The following TENM4 variants were observed in gnomAD, a reference collection of about 807,000 sequenced individuals.
The protein encoded by TENM4 is teneurin transmembrane protein 4.
A neutral mutation model predicts 243.3 loss-of-function variants in TENM4; 82 were observed. That is an observed-to-expected ratio of 0.34 (90% CI 0.28 to 0.40). The LOEUF is 0.40. Ranked by LOEUF, TENM4 falls within the 10% of genes least tolerant of loss-of-function variation. The pLI is 1.00. For synonymous variants in TENM4, 1,412 were observed against 1,456.3 expected (o/e 0.97, Z 0.69); for missense variants, 3,138 against 3,673.3 (o/e 0.85, Z 3.77).
chr11:78,719,014 TATG>T (rs1265776636), intron 25 of TENM4, among the ~76,000 whole-genome samples: 1 of 152,198 alleles, frequency 6.6e-6, no homozygotes, highest in Non-Finnish European at 1.5e-5. Context: ...TAATAATTGT[TATG>T]ATAATAAATT....
At chr11:78,754,537 CAATAATGGGCCCCGTA>C (rs534840932) in intron 19 of TENM4, among the ~76,000 whole-genome samples, 146 of 152,194 alleles carry the variant, frequency 9.6e-4, no homozygotes, top group Admixed American at 1.6e-3. Flanking sequence ...TAATTGGATC[CAATAATGGGCCCCGTA>C]AAGAATGACT....
intron 14 of TENM4, among the ~76,000 whole-genome samples, chr11:78,809,003 G>C (rs141746463): frequency 0.014 from 2,182 of 152,228 alleles, 28 homozygotes; most frequent in Admixed American, 0.031. Flanking sequence ...TTCCTTTTCT[G>C]TAAGTGCCTG....
chr11:78,784,542 A>G (rs1856897308), intron 16 of TENM4, among the ~76,000 whole-genome samples: 1 of 152,178 alleles, frequency 6.6e-6, no homozygotes, highest in African/African-American at 2.4e-5. Flanking sequence ...TATTAATAGA[A>G]TTCCCAGCCA....
intron 6 of TENM4, among the ~76,000 whole-genome samples, chr11:79,001,731 C>T (rs1858334513): frequency 6.6e-6 from 1 of 152,120 alleles, no homozygotes; most frequent in Non-Finnish European, 1.5e-5. Flanking sequence ...AACTAATTGC[C>T]CCCCTGTATG....
intron 1 of TENM4, among the ~76,000 whole-genome samples, chr11:79,366,912 T>C (rs1407572003): frequency 6.6e-6 from 1 of 152,218 alleles, no homozygotes; most frequent in Admixed American, 6.5e-5. Context: ...AGGCTATATA[T>C]CAGTGAAAGC....
intron 3 of TENM4, among the ~76,000 whole-genome samples, chr11:79,192,831 A>AAT (rs1227314389): frequency 6.6e-5 from 10 of 152,242 alleles, no homozygotes; most frequent in Non-Finnish European, 1.5e-4. Flanking sequence ...AGTTTTCAAG[A>AAT]ATAACCTAGA....
At chr11:78,747,847 G>A (rs118143003) in intron 19 of TENM4, among the ~76,000 whole-genome samples, 1,650 of 152,284 alleles carry the variant, frequency 0.011, 18 homozygotes, top group South Asian at 0.05. Flanking sequence ...TAAAAATGCA[G>A]AAAGTCTTTG....
At chr11:79,070,045 G>A in intron 4 of TENM4, 36 bp from the exon 5 acceptor site, 1 of 1,469,524 alleles carries the variant, frequency 6.8e-7, no homozygotes, top group Non-Finnish European at 9.0e-7. Flanking sequence ...GGCGTGAGAG[G>A]CAGAGAACAT....
intron 6 of TENM4, among the ~76,000 whole-genome samples, chr11:79,039,731 C>T (rs144394494): frequency 0.013 from 1,979 of 152,232 alleles, 16 homozygotes; most frequent in Non-Finnish European, 0.018. Flanking sequence ...AGCAAATCAC[C>T]ATGGCACGTG....
chr11:78,908,938 T>G (rs1347096562), intron 6 of TENM4, among the ~76,000 whole-genome samples: 1 of 152,158 alleles, frequency 6.6e-6, no homozygotes, highest in Non-Finnish European at 1.5e-5. Flanking sequence ...AAGTAGTCAG[T>G]GGTTGGGAGG....
chr11:78,699,097 A>G (rs1482295885), intron 28 of TENM4, among the ~76,000 whole-genome samples: 1 of 152,190 alleles, frequency 6.6e-6, no homozygotes, highest in Non-Finnish European at 1.5e-5. Flanking sequence ...ACACTTCTGC[A>G]ATTACTGGTA....
intron 4 of TENM4, among the ~76,000 whole-genome samples, chr11:79,122,971 T>G (rs1277692500): frequency 6.6e-6 from 1 of 152,208 alleles, no homozygotes; most frequent in Non-Finnish European, 1.5e-5. Context: ...GAAGGGAACC[T>G]GAGCCTTACC....
chr11:78,656,757 G>A lies in TENM4; in HGVS notation c.*1301C>T. On this transcript the variant is annotated 3_prime_UTR_variant, in exon 34 of 34. Coordinates refer to ENST00000278550, the MANE Select transcript of TENM4 (RefSeq NM_001098816.3). Reference sequence around the variant, plus strand: ...TCTTCCTGTCACTAAAAAACACATTGGGTGGGCTTCTCTAGAGGGGAAGCT... The same window carrying A: ...TCTTCCTGTCACTAAAAAACACATTAGGTGGGCTTCTCTAGAGGGGAAGCT... 2.9e-6 allele frequency: 1 copy of A among 344,684 alleles called. No individual in the cohort carries two copies. Among genetic ancestry groups the A allele is most frequent in the Non-Finnish European group, 5.2e-6 (1 of 192,412 alleles). The allele number at this position is 344,684 out of a possible 1,614,324, so 21.4% of individuals were successfully genotyped here.
rs1422928236 is a variant in TENM4, at chr11:78,922,221, G to A, written c.494-18698C>T. Among the ~76,000 whole-genome samples, 3 of 152,280 alleles carry A rather than the reference G, an allele frequency of 2.0e-5. No individual in the cohort carries two copies. The East Asian group carries it at 5.8e-4, about 29-fold the overall frequency. ...AAGGATGGACAGAATTAAATGATAG[G>A]GACAAGGTATAAAATATGCAGAGAC... On this transcript the variant is annotated intron_variant, in intron 6 of 33. Transcript: ENST00000278550.
intron 21 of TENM4, 101 bp downstream of exon 21, chr11:78,732,215 C>T: frequency 6.8e-7 from 1 of 1,469,300 alleles, no homozygotes; most frequent in Non-Finnish European, 9.1e-7. Context: ...TGACCCAAGC[C>T]CTACAGAGGT....
At chr11:78,668,019 T>C (rs1340157807) in intron 32 of TENM4, among the ~76,000 whole-genome samples, 2 of 152,114 alleles carry the variant, frequency 1.3e-5, no homozygotes, top group Admixed American at 6.6e-5. Context: ...ATACTCAAGT[T>C]GGTTTCATGG....
chr11:79,113,944 G>T (rs1053100891), intron 4 of TENM4, among the ~76,000 whole-genome samples: 3 of 152,160 alleles, frequency 2.0e-5, no homozygotes, highest in Non-Finnish European at 4.4e-5. Flanking sequence ...TCTTTCCCAT[G>T]AGTTAAGGGA....
chr11:78,973,759 A>G (rs1438805488), intron 6 of TENM4, among the ~76,000 whole-genome samples: 2 of 151,344 alleles, frequency 1.3e-5, no homozygotes, highest in African/African-American at 2.4e-5. Flanking sequence ...GGTTTTTGCC[A>G]TTAAATATAA....
chr11:79,269,989 C>T (rs917363684), intron 2 of TENM4, among the ~76,000 whole-genome samples: 3 of 152,160 alleles, frequency 2.0e-5, no homozygotes, highest in Non-Finnish European at 4.4e-5. Context: ...TCCCTCCACT[C>T]CCAGCAGGTT....
Sources: gnomAD v4.1 joint callset for allele counts (sites outside exome capture counted in the v4.1 genomes callset) on GRCh38, gnomAD v4.1.1 for gene constraint, MANE v1.5 for transcripts, NCBI Gene and HGNC (gene_info 2026-07-23, HGNC 2026-07-21) for gene names.